TTC28: variants seen among roughly 807,000 people sequenced by gnomAD.
The protein encoded by TTC28 is tetratricopeptide repeat protein 28.
A neutral mutation model predicts 198.0 loss-of-function variants in TTC28; 61 were observed. The observed-to-expected ratio is 0.31, with a 90% CI of 0.25 to 0.38. The LOEUF (loss-of-function observed/expected upper bound fraction) is 0.38, where lower values mean the gene tolerates loss of function less well. TTC28 is among the 10% of genes least tolerant of loss of function. TTC28 has a pLI of 1.00. For synonymous variants in TTC28, 1,171 were observed against 1,297.8 expected, an observed-to-expected ratio of 0.90 and a Z score of 2.10; for missense variants, 2,678 against 3,164.0, an observed-to-expected ratio of 0.85 and a Z score of 3.69.
At chr22:28,045,925 G>C (rs774834112) in intron 12 of TTC28, among the ~76,000 whole-genome samples, 3 of 152,166 alleles carry the variant, frequency 2.0e-5, no homozygotes, top group Non-Finnish European at 4.4e-5. Context: ...AGCCGAGAAG[G>C]CACCACTGTA....
At chr22:28,413,193 T>A (rs929502999) in intron 2 of TTC28, among the ~76,000 whole-genome samples, 4 of 151,962 alleles carry the variant, frequency 2.6e-5, no homozygotes, top group Non-Finnish European at 5.9e-5. Flanking sequence ...TCCAGAACTT[T>A]GGGAGGCCAA....
At chr22:28,004,661 C>T (rs1041767985) in intron 14 of TTC28, among the ~76,000 whole-genome samples, 7 of 152,078 alleles carry the variant, frequency 4.6e-5, no homozygotes, top group African/African-American at 1.7e-4. Flanking sequence ...AATGTGTGGG[C>T]TTGTGGGGAG....
At chr22:28,231,051 C>T (rs1006414942) in intron 5 of TTC28, among the ~76,000 whole-genome samples, 21 of 152,116 alleles carry the variant, frequency 1.4e-4, no homozygotes, top group Admixed American at 1.4e-3. Flanking sequence ...TAGGTATGTT[C>T]TAAAGTCAGT....
intron 5 of TTC28, among the ~76,000 whole-genome samples, chr22:28,281,424 T>C (rs528628204): frequency 6.6e-6 from 1 of 152,240 alleles, no homozygotes; most frequent in African/African-American, 2.4e-5. Context: ...ATTATATTTT[T>C]CCATTTTATT....
At chr22:28,255,009 A>T (rs779774403) in intron 5 of TTC28, among the ~76,000 whole-genome samples, 4 of 152,188 alleles carry the variant, frequency 2.6e-5, no homozygotes, top group Non-Finnish European at 5.9e-5. Context: ...GTCTGAATTT[A>T]TATACCACAA....
intron 1 of TTC28, among the ~76,000 whole-genome samples, chr22:28,661,525 T>C (rs967627480): frequency 6.6e-6 from 1 of 151,944 alleles, no homozygotes; most frequent in African/African-American, 2.4e-5. Context: ...GTTCAAGGGG[T>C]CTTCCTGCCT....
chr22:28,072,863 A>T (rs913644419), intron 12 of TTC28, among the ~76,000 whole-genome samples: 1 of 152,222 alleles, frequency 6.6e-6, no homozygotes, highest in Non-Finnish European at 1.5e-5. Context: ...AGCCAACTTC[A>T]TCTCCAGGCA....
At chr22:28,153,721 C>G (rs1943671669) in intron 6 of TTC28, among the ~76,000 whole-genome samples, 2 of 152,162 alleles carry the variant, frequency 1.3e-5, no homozygotes, top group African/African-American at 4.8e-5. Flanking sequence ...AACAGGTGAA[C>G]AAATGAACTA....
At chr22:28,592,595 TA>T (rs1360737096) in intron 2 of TTC28, among the ~76,000 whole-genome samples, 2 of 152,178 alleles carry the variant, frequency 1.3e-5, no homozygotes, top group Admixed American at 1.3e-4. Context: ...GGCTAGTTCA[TA>T]AAAACAACTC....
chr22:28,420,327 AAT>A (rs990578637), intron 2 of TTC28, among the ~76,000 whole-genome samples: 63 of 152,318 alleles, frequency 4.1e-4, no homozygotes, highest in African/African-American at 1.5e-3. Flanking sequence ...CTCTTTGAAA[AAT>A]AGTTTCATTT....
chr22:28,281,242 C>T (rs1414559219), intron 5 of TTC28, among the ~76,000 whole-genome samples: 1 of 151,950 alleles, frequency 6.6e-6, no homozygotes. Flanking sequence ...ATATGTAAGA[C>T]CATTTGATAT....
chr22:28,526,810 G>T (rs926450628), intron 2 of TTC28, among the ~76,000 whole-genome samples: 3 of 151,950 alleles, frequency 2.0e-5, no homozygotes, highest in Admixed American at 1.3e-4. Flanking sequence ...AGGTTGGAGT[G>T]CAATGGTACC....
intron 5 of TTC28, among the ~76,000 whole-genome samples, chr22:28,216,701 GA>G (rs1383655982): frequency 6.6e-6 from 1 of 152,050 alleles, no homozygotes; most frequent in African/African-American, 2.4e-5. Context: ...TGATGTTGAT[GA>G]CAATAAATAT....
intron 5 of TTC28, among the ~76,000 whole-genome samples, chr22:28,192,642 C>T (rs1924933004): frequency 6.6e-6 from 1 of 152,056 alleles, no homozygotes; most frequent in Non-Finnish European, 1.5e-5. Context: ...CTACGTGACA[C>T]ATACACAAGC....
intron 12 of TTC28, among the ~76,000 whole-genome samples, chr22:28,037,502 C>T (rs1231337478): frequency 1.3e-5 from 2 of 152,230 alleles, no homozygotes; most frequent in African/African-American, 2.4e-5. Context: ...AAATTAGGTA[C>T]TGATGGGATG....
intron 1 of TTC28, among the ~76,000 whole-genome samples, chr22:28,657,847 C>T (rs2051684334): frequency 6.6e-6 from 1 of 151,750 alleles, no homozygotes. Flanking sequence ...CCACTGCACT[C>T]GAACCTGGGC....
chr22:28,625,263 A>G (rs2051061153), intron 2 of TTC28, among the ~76,000 whole-genome samples: 1 of 152,214 alleles, frequency 6.6e-6, no homozygotes. Flanking sequence ...AAAGAAAGGA[A>G]GAAGCAGAAT....
intron 2 of TTC28, among the ~76,000 whole-genome samples, chr22:28,560,298 T>C (rs1184780627): frequency 1.3e-5 from 2 of 152,216 alleles, no homozygotes; most frequent in Non-Finnish European, 2.9e-5. Flanking sequence ...AGCGCTCTAA[T>C]TGACCTTCCT....
intron 12 of TTC28, among the ~76,000 whole-genome samples, chr22:28,037,728 G>C (rs1244415576): frequency 2.6e-5 from 4 of 152,180 alleles, no homozygotes; most frequent in African/African-American, 9.7e-5. Flanking sequence ...AAGTCAAAGT[G>C]TCCCTGTTTG....
Sources: gnomAD v4.1 joint callset for allele counts (sites outside exome capture counted in the v4.1 genomes callset) on GRCh38, gnomAD v4.1.1 for gene constraint, MANE v1.5 for transcripts, NCBI Gene and HGNC (gene_info 2026-07-23, HGNC 2026-07-21) for gene names.